The following LIFR variants were observed in gnomAD, a reference collection of about 807,000 sequenced individuals.
The protein encoded by LIFR is leukemia inhibitory factor receptor.
LIFR carries 84 observed loss-of-function variants against 122.2 expected under a neutral mutation model. That is an observed-to-expected ratio of 0.69 (90% CI 0.58 to 0.82). The LOEUF (loss-of-function observed/expected upper bound fraction) is 0.82, where lower values mean the gene tolerates loss of function less well. LIFR is among the 40% of genes least tolerant of loss of function. The probability of loss-of-function intolerance (pLI) is 0.00; values close to 1 mark genes in which losing one functional copy is unlikely to be tolerated. For synonymous variants in LIFR, 422 were observed against 434.7 expected (o/e 0.97, Z 0.36); for missense variants, 1,294 against 1,311.6 (o/e 0.99, Z 0.21).
chr5:38,568,328 G>T (rs371041363), intron 1 of LIFR, among the ~76,000 whole-genome samples: 20 of 152,248 alleles, frequency 1.3e-4, no homozygotes, highest in African/African-American at 4.8e-4. Context: ...GAGCAGAGAG[G>T]GCTAAATGAA....
intron 1 of LIFR, among the ~76,000 whole-genome samples, chr5:38,587,139 A>G (rs1238192944): frequency 6.6e-6 from 1 of 152,056 alleles, no homozygotes; most frequent in East Asian, 1.9e-4. Flanking sequence ...CAGTACTGAA[A>G]AAAGTAGACC....
At chr5:38,568,246 C>G (rs62355831) in intron 1 of LIFR, among the ~76,000 whole-genome samples, 50,695 of 152,018 alleles carry the variant, frequency 0.33, 9,061 homozygotes, top group East Asian at 0.63. Context: ...TGGGTTTAAA[C>G]GGATAGAGAA....
rs1017516076 is a variant in LIFR at position 38,474,832 on chromosome 5, C to T, written c.*6763G>A. Reference sequence around the variant, plus strand: ...TCAAATGTTAAAAATACATCCATAGCGCTATGTGATTGCTTTACAACCACT... The same window carrying T: ...TCAAATGTTAAAAATACATCCATAGTGCTATGTGATTGCTTTACAACCACT... On this transcript the variant is annotated 3_prime_UTR_variant, in exon 20 of 20. Transcript: ENST00000453190. 5 of 152,808 alleles carry T rather than the reference C, an allele frequency of 3.3e-5. No individual in the cohort carries two copies. Among genetic ancestry groups the T allele is most frequent in the African/African-American group, 7.2e-5 (3 of 41,410 alleles). 9.5% of individuals were successfully genotyped at this position (152,808 alleles called of 1,614,324 possible). A position where few individuals can be genotyped will look rare whatever the true frequency, so the allele number is the denominator to read the frequency against.
At chr5:38,604,536 A>G (rs561555430) in intron 2 of LIFR, among the ~76,000 whole-genome samples, 2 of 152,162 alleles carry the variant, frequency 1.3e-5, no homozygotes, top group African/African-American at 2.4e-5. Flanking sequence ...GTGAAACCCC[A>G]TCTCTACTAA....
Position 38,604,482 on chromosome 5 carries a change from G to A in LIFR, n.305+1723C>T, listed in dbSNP as rs113080645. 1.5e-3 allele frequency among the ~76,000 whole-genome samples: 235 copies of A among 152,196 alleles called. 1 individual carries two copies. Among genetic ancestry groups the A allele is most frequent in the Middle Eastern group, 6.8e-3 (2 of 294 alleles). On this transcript the variant is annotated intron_variant and non_coding_transcript_variant, in intron 2 of 3. Transcript: ENST00000507786. ...AACATTTTGGAAAGCTGAGTTGGGC[G>A]GATCACCTGAGGTCAGGAGTTTGAG...
chr5:38,562,932 ATTAAT>A, intron 1 of LIFR, among the ~76,000 whole-genome samples: 1 of 152,326 alleles, frequency 6.6e-6, no homozygotes, highest in Non-Finnish European at 1.5e-5. Flanking sequence ...CAGTTAAATA[ATTAAT>A]TTAAATAACA....
chr5:38,506,127 GA>G (rs987650320), intron 8 of LIFR, 53 bp from the exon 9 acceptor site: 2 of 1,205,078 alleles, frequency 1.7e-6, no homozygotes, highest in Non-Finnish European at 2.4e-6. Context: ...AATATTGCAG[GA>G]AAAAACGGGC....
At chr5:38,540,736 T>C (rs983345903) in intron 1 of LIFR, among the ~76,000 whole-genome samples, 2 of 151,800 alleles carry the variant, frequency 1.3e-5, no homozygotes, top group Non-Finnish European at 2.9e-5. Context: ...TTATTATTAT[T>C]ATGAAATATC....
chr5:38,546,321 G>A (rs1448266388), intron 1 of LIFR, among the ~76,000 whole-genome samples: 1 of 152,116 alleles, frequency 6.6e-6, no homozygotes, highest in Non-Finnish European at 1.5e-5. Flanking sequence ...TGAAAAAAGT[G>A]AAGGAAAAGA....
At chr5:38,508,778 G>T (rs1225341182) in intron 7 of LIFR, among the ~76,000 whole-genome samples, 1 of 151,576 alleles carries the variant, frequency 6.6e-6, no homozygotes, top group African/African-American at 2.4e-5. Flanking sequence ...TAGAGACAGG[G>T]TTTCACCGTG....
chr5:38,494,297 C>T (rs1744757200), intron 13 of LIFR, among the ~76,000 whole-genome samples: 1 of 152,144 alleles, frequency 6.6e-6, no homozygotes, highest in Admixed American at 6.5e-5. Context: ...AAGACTGCAG[C>T]CCAAGAGCTG....
At position 38,478,241 on chromosome 5, in the gene LIFR, G is replaced by C. The variant is rs1181630969; in HGVS notation, c.*3354C>G. The C allele has an allele frequency of 4.8e-6, 1 of 206,722 alleles. No homozygotes were observed. Among genetic ancestry groups the C allele is most frequent in the African/African-American group, 2.3e-5 (1 of 43,820 alleles). 12.8% of individuals were successfully genotyped at this position (206,722 alleles called of 1,614,324 possible). A position where few individuals can be genotyped will look rare whatever the true frequency, so the allele number is the denominator to read the frequency against. ...AATATGCATGAAGTTTTGAAAATGT[G>C]ACTTTTTACCACAGTTTCTGAGAGT... On this transcript the variant is annotated 3_prime_UTR_variant, in exon 20 of 20. Transcript: ENST00000453190.
chr5:38,481,747 T>C lies in LIFR; in HGVS notation c.3142A>G (p.Ile1048Val), dbSNP rs1277768590. The C allele has an allele frequency of 2.5e-6, 4 of 1,614,174 alleles. No homozygotes were observed. In the South Asian group the frequency reaches 3.3e-5, roughly 13 times the overall value. ...GAGACAATCTCACTGTTGCTGTCTATGGATCTAGGAGAGTCTGGAGACACT... is the reference window on the plus strand; with the variant it reads ...GAGACAATCTCACTGTTGCTGTCTACGGATCTAGGAGAGTCTGGAGACACT... ...NLVSPDSPRS[I>V]DSNSEIVSFG... The change falls in exon 20 of 20, where the codon ATA becomes GTA. Residue 1048 changes from isoleucine to valine, a missense_variant. Ile to Val is a conservative substitution (Grantham distance 29, BLOSUM62 3). Coordinates refer to ENST00000453190, the MANE Select transcript of LIFR (RefSeq NM_001127671.2).
intron 1 of LIFR, among the ~76,000 whole-genome samples, chr5:38,592,052 C>T (rs1223990796): frequency 6.6e-6 from 1 of 152,146 alleles, no homozygotes; most frequent in Non-Finnish European, 1.5e-5. Context: ...AACTCCACTC[C>T]ATGCTGACTC....
chr5:38,558,238 C>G (rs572625193), upstream of LIFR: 8 of 152,168 alleles, frequency 5.3e-5, no homozygotes, highest in East Asian at 1.4e-3. Flanking sequence ...AGGGGCTCAA[C>G]GAAGGCAAAA....
At chr5:38,595,783 A>G (rs1444386791), upstream of LIFR, among the ~76,000 whole-genome samples, 3 of 126,060 alleles carry the variant, frequency 2.4e-5, no homozygotes, top group African/African-American at 9.2e-5. Context: ...CCCAAGCTGG[A>G]GTGCAGCGGC....
At chr5:38,574,253 C>T (rs1468424483) in intron 1 of LIFR, among the ~76,000 whole-genome samples, 4 of 152,188 alleles carry the variant, frequency 2.6e-5, no homozygotes, top group African/African-American at 9.6e-5. Context: ...TTTCCTTACA[C>T]ATGCCAGGCT....
intron 5 of LIFR, among the ~76,000 whole-genome samples, chr5:38,513,263 A>T (rs935344651): frequency 1.3e-5 from 2 of 152,236 alleles, no homozygotes; most frequent in African/African-American, 4.8e-5. Flanking sequence ...AGAAAACAAA[A>T]TCTTAAGCAT....
chr5:38,526,332 T>C (rs1561176517), intron 4 of LIFR, among the ~76,000 whole-genome samples: 1 of 152,082 alleles, frequency 6.6e-6, no homozygotes, highest in African/African-American at 2.4e-5. Flanking sequence ...ATGACCCAAA[T>C]TTTCAGGTGA....
Sources: gnomAD v4.1 joint callset for allele counts (sites outside exome capture counted in the v4.1 genomes callset) on GRCh38, gnomAD v4.1.1 for gene constraint, MANE v1.5 for transcripts, NCBI Gene and HGNC (gene_info 2026-07-23, HGNC 2026-07-21) for gene names.